The following L3MBTL2 variants were observed in gnomAD, a reference collection of about 807,000 sequenced individuals.
L3MBTL2 encodes the protein L3MBTL histone methyl-lysine binding protein 2.
L3MBTL2 carries 49 observed loss-of-function variants against 86.4 expected under a neutral mutation model. The observed-to-expected ratio is 0.57, with a 90% CI of 0.45 to 0.72. The LOEUF (loss-of-function observed/expected upper bound fraction) is 0.72. L3MBTL2 is among the 30% of genes least tolerant of loss of function. The pLI is 0.00. For missense variants in L3MBTL2, 755 were observed against 923.7 expected (o/e 0.82, Z 2.37); for synonymous variants, 336 against 350.6 (o/e 0.96, Z 0.47).
chr22:41,209,802 G>A lies in L3MBTL2; in HGVS notation c.131G>A (p.Ser44Asn), dbSNP rs995621878. ...TATAACAGCAGTGTGGGCAGTGAGA[G>A]CAGCTCCTATCTGGAGGAGTCAAGT... ...RSYNSSVGSESSSYLEESSEA... is the reference protein window; with the variant it reads ...RSYNSSVGSENSSYLEESSEA... The change falls in exon 2 of 17, where the codon AGC becomes AAC. Residue 44 changes from serine (S) to asparagine (N), a missense_variant. Physicochemically the swap from Ser to Asn is conservative, Grantham distance 46. Coordinates refer to ENST00000216237, the MANE Select transcript of L3MBTL2 (RefSeq NM_031488.5). 1 of 1,614,180 alleles carries A rather than the reference G, an allele frequency of 6.2e-7. No individual in the cohort carries two copies. The highest frequency in any genetic ancestry group is 8.5e-7 in the Non-Finnish European group (1 of 1,180,038).
rs1198987397 is a variant in L3MBTL2 at position 41,224,557 on chromosome 22, C to G, written c.1175-168C>G. Among the ~76,000 whole-genome samples the G allele has an allele frequency of 6.6e-6, 1 of 152,134 alleles. No homozygotes were observed. Among genetic ancestry groups the G allele is most frequent in the Non-Finnish European group, 1.5e-5 (1 of 68,028 alleles). On this transcript the variant is annotated intron_variant, in intron 9 of 16. Transcript: ENST00000216237. The surrounding 1 kb of genome is among the most constrained non-coding windows in gnomAD (Gnocchi z 4.9). ...CAGAGAGCTCTTGATGTTTTCTGGA[C>G]TCAACCTTTCTGTCTGCTACTCTGG...
chr22:41,219,548 G>A lies in L3MBTL2; in HGVS notation c.718+12G>A, dbSNP rs1165174762. ...CATCCAGACAGCAGGTGAGTGTTTG[G>A]CCAGGGCAGGGCCAGGGATGTGTCT... On this transcript the variant is annotated intron_variant, in intron 6 of 16. Coordinates refer to ENST00000216237, the MANE Select transcript of L3MBTL2 (RefSeq NM_031488.5). 1 of 1,564,378 alleles carries A rather than the reference G, an allele frequency of 6.4e-7. No homozygotes were observed. The highest frequency in any genetic ancestry group is 8.8e-7 in the Non-Finnish European group (1 of 1,135,256).
At position 41,229,583 on chromosome 22, in the gene L3MBTL2, G is replaced by T; in HGVS notation, c.1932G>T (p.Gly644=). The T allele has an allele frequency of 1.2e-6, 2 of 1,613,598 alleles. No individual in the cohort carries two copies. Among genetic ancestry groups the T allele is most frequent in the Non-Finnish European group, 1.7e-6 (2 of 1,179,626 alleles). Residue 644 remains glycine, a synonymous_variant, in exon 16 of 17, where the codon GGG becomes GGT. Transcript: ENST00000216237. ...PPTKTRPLRQ[G]SKKPLLEDDP... ...CTAAGACGCGACCCCTCAGACAGGG[G>T]TCCAAGAAGCCCCTGCTGGAGGACG...
At chr22:41,210,019 G>C in intron 2 of L3MBTL2, 86 bp downstream of exon 2, 3 of 1,529,814 alleles carry the variant, frequency 2.0e-6, no homozygotes, top group Non-Finnish European at 2.6e-6. Flanking sequence ...TATGGGCAGA[G>C]CCATCCAGAT....
rs2031482330 is a variant in L3MBTL2 at position 41,217,531 on chromosome 22, A to G, written c.600+329A>G. On this transcript the variant is annotated intron_variant, in intron 5 of 16. Coordinates refer to ENST00000216237, the MANE Select transcript of L3MBTL2 (RefSeq NM_031488.5). Reference sequence around the variant, plus strand: ...CCATTTGCAGCATTTTCCCATGGAAAGCAGGGTGCTTCTGTAGCTGGCCTG... The same window carrying G: ...CCATTTGCAGCATTTTCCCATGGAAGGCAGGGTGCTTCTGTAGCTGGCCTG... 1.1e-5 allele frequency: 3 copies of G among 270,292 alleles called. No individual in the cohort carries two copies. In the South Asian group the frequency reaches 1.2e-4, roughly 11 times the overall value. 16.7% of individuals were successfully genotyped at this position (270,292 alleles called of 1,614,324 possible). A position where few individuals can be genotyped will look rare whatever the true frequency, so the allele number is the denominator to read the frequency against.
chr22:41,219,400 C>T lies in L3MBTL2; in HGVS notation c.601-19C>T, dbSNP rs115205525. On this transcript the variant is annotated intron_variant, in intron 5 of 16. Coordinates refer to ENST00000216237, the MANE Select transcript of L3MBTL2 (RefSeq NM_031488.5). Reference sequence around the variant, plus strand: ...GCACAGTTAGCTCACTCTCTCGGTACACTCTCATCGCCACACAGGTCCCAC... The same window carrying T: ...GCACAGTTAGCTCACTCTCTCGGTATACTCTCATCGCCACACAGGTCCCAC... 5,578 of 1,568,380 alleles carry T rather than the reference C, an allele frequency of 3.6e-3. 175 individuals are homozygous for T. The African/African-American group carries it at 0.067, about 19-fold the overall frequency.
At chr22:41,208,547 T>A (rs1454105808) in intron 1 of L3MBTL2, 2 of 274,430 alleles carry the variant, frequency 7.3e-6, no homozygotes, top group African/African-American at 4.7e-5. Context: ...AGAAGTTAAA[T>A]GACTTGCCCA....
Position 41,225,485 on chromosome 22 carries a change from C to T in L3MBTL2, c.1357-309C>T, listed in dbSNP as rs2032115338. Reference sequence around the variant, plus strand: ...TCCTTGGCCCTCCTGGAGGAGGCTGCTGACTCGTCCTCGCCGCGGATCCGC... The same window carrying T: ...TCCTTGGCCCTCCTGGAGGAGGCTGTTGACTCGTCCTCGCCGCGGATCCGC... On this transcript the variant is annotated intron_variant, in intron 11 of 16. Coordinates refer to ENST00000216237, the MANE Select transcript of L3MBTL2 (RefSeq NM_031488.5). This position sits in a 1 kb window ranked among gnomAD's most constrained non-coding sequence, Gnocchi z 4.1. Among the ~76,000 whole-genome samples the T allele has an allele frequency of 6.6e-6, 1 of 152,180 alleles. No individual in the cohort carries two copies. Among genetic ancestry groups the T allele is most frequent in the Non-Finnish European group, 1.5e-5 (1 of 68,020 alleles).
chr22:41,230,026 G>C (rs1355903691), intron 16 of L3MBTL2, 113 bp from the exon 17 acceptor site: 21 of 769,510 alleles, frequency 2.7e-5, no homozygotes, highest in Admixed American at 1.2e-4. Flanking sequence ...GAGGGTGAAG[G>C]TGCATCCTAG....
chr22:41,215,704 A>ACCCTCTCCCGAACATTCGCCTATGTGGG (rs1555916942), intron 3 of L3MBTL2, among the ~76,000 whole-genome samples: 51,202 of 142,078 alleles, frequency 0.36, 12,412 homozygotes, highest in African/African-American at 0.5. Context: ...GCCTATGTGG[A>ACCCTCTCCCGAACATTCGCCTATGTGGG]CCCTCTCCCG....
chr22:41,209,754 G>C lies in L3MBTL2; in HGVS notation c.83G>C (p.Gly28Ala), dbSNP rs760177109. 1 of 1,614,208 alleles carries C rather than the reference G, an allele frequency of 6.2e-7. No homozygotes were observed. The change falls in exon 2 of 17, where the codon GGT becomes GCT. Residue 28 changes from glycine to alanine, a missense_variant. By Grantham distance (60) the Gly-to-Ala change is moderately conservative. Coordinates refer to ENST00000216237, the MANE Select transcript of L3MBTL2 (RefSeq NM_031488.5). ...EEEDDDLELF[G>A]GYDSFRSYNS... ...GAAGATGACGACTTGGAGCTGTTTG[G>C]TGGCTATGATAGTTTCCGGAGTTAT...
intron 5 of L3MBTL2, chr22:41,217,510 T>G: frequency 3.5e-6 from 1 of 288,476 alleles, no homozygotes; most frequent in Non-Finnish European, 6.6e-6. Context: ...TCTCCCCCAT[T>G]TGCAGCATTT....
intron 8 of L3MBTL2, among the ~76,000 whole-genome samples, chr22:41,221,641 C>G (rs779743935): frequency 2.0e-5 from 3 of 152,246 alleles, no homozygotes; most frequent in Non-Finnish European, 2.9e-5. Flanking sequence ...GAGTCTCGCT[C>G]TGTCCCCCAG....
Position 41,205,339 on chromosome 22 carries a change from G to A in L3MBTL2, c.-24G>A. The stretch of plus-strand genomic sequence containing the variant: ...GCCAATATGGCTTCCTGCACCTGGT[G>A]ACGCTTGGCGAAACTGAGGTCTCAT... On this transcript the variant is annotated 5_prime_UTR_variant, in exon 1 of 17. It removes the in-frame stop codon of an upstream open reading frame in the 5' UTR. Coordinates refer to ENST00000216237, the MANE Select transcript of L3MBTL2 (RefSeq NM_031488.5). 2.5e-6 allele frequency: 4 copies of A among 1,614,188 alleles called. No individual in the cohort carries two copies. Among genetic ancestry groups the A allele is most frequent in the Non-Finnish European group, 3.4e-6 (4 of 1,180,022 alleles).
chr22:41,222,218 C>G (rs2031876508), intron 8 of L3MBTL2, among the ~76,000 whole-genome samples: 1 of 152,162 alleles, frequency 6.6e-6, no homozygotes, highest in African/African-American at 2.4e-5. Flanking sequence ...TACTTGTTTA[C>G]AAGGCACTGT....
intron 8 of L3MBTL2, 99 bp downstream of exon 8, chr22:41,221,386 C>A: frequency 1.0e-6 from 1 of 983,866 alleles, no homozygotes; most frequent in Non-Finnish European, 1.6e-6. Context: ...AGACCCCTTG[C>A]CTGATGATCT....
chr22:41,207,151 T>C (rs1272431678), intron 1 of L3MBTL2, among the ~76,000 whole-genome samples: 1 of 152,040 alleles, frequency 6.6e-6, no homozygotes, highest in Non-Finnish European at 1.5e-5. Context: ...CAGTAAAAAT[T>C]GGCAACCTTT....
rs1274914715 is a variant in L3MBTL2, at chr22:41,227,075, T to A, written c.1588-14T>A. ...GCTGACTGGCTTGGCCACTGCCTCC[T>A]TTTTCTGCCCCAGGATTGCCCAAAC... On this transcript the variant is annotated splice_polypyrimidine_tract_variant and intron_variant, in intron 13 of 16. Transcript: ENST00000216237. This position sits in a 1 kb window ranked among gnomAD's most constrained non-coding sequence, Gnocchi z 6.0. The A allele has an allele frequency of 6.3e-7, 1 of 1,598,590 alleles. No individual in the cohort carries two copies.
In L3MBTL2 at chr22:41,205,321, T is replaced by G; in HGVS notation, c.-42T>G. 1 of 1,613,836 alleles carries G rather than the reference T, an allele frequency of 6.2e-7. No homozygotes were observed. Among genetic ancestry groups the G allele is most frequent in the South Asian group, 1.1e-5 (1 of 91,080 alleles). ...CGGAGAGCGACGGGGCAGGCCAATATGGCTTCCTGCACCTGGTGACGCTTG... is the reference window on the plus strand; with the variant it reads ...CGGAGAGCGACGGGGCAGGCCAATAGGGCTTCCTGCACCTGGTGACGCTTG... On this transcript the variant is annotated 5_prime_UTR_variant, in exon 1 of 17. The change abolishes an upstream ATG in the 5' untranslated region. Transcript: ENST00000216237.
Sources: gnomAD v4.1 joint callset for allele counts (sites outside exome capture counted in the v4.1 genomes callset) on GRCh38, gnomAD v4.1.1 for gene constraint, Gnocchi (gnomAD v3.1) non-coding constraint, MANE v1.5 for transcripts, NCBI Gene and HGNC (gene_info 2026-07-23, HGNC 2026-07-21) for gene names.